The following SHISA8 variants were observed in gnomAD, a reference collection of about 807,000 sequenced individuals.
SHISA8 encodes the protein protein shisa-8.
In SHISA8, 21 loss-of-function variants were observed where a neutral mutation model predicts 21.1. That is an observed-to-expected ratio of 0.99 (90% CI 0.71 to 1.43). The LOEUF (loss-of-function observed/expected upper bound fraction) is 1.43, where lower values mean the gene tolerates loss of function less well. SHISA8 is among the 40% of genes most tolerant of loss of function. The pLI is 0.00. For synonymous variants in SHISA8, 300 were observed against 291.4 expected (o/e 1.03, Z -0.30); for missense variants, 535 against 599.1 (o/e 0.89, Z 1.12).
chr22:41,911,892 G>T (rs1043461436), intron 1 of SHISA8, among the ~76,000 whole-genome samples: 1 of 152,188 alleles, frequency 6.6e-6, no homozygotes, highest in Non-Finnish European at 1.5e-5. Flanking sequence ...ATTATAAGGT[G>T]CCTGCCACCA....
In SHISA8 at chr22:41,914,669, G is replaced by A; in HGVS notation, c.-2C>T. Reference sequence around the variant, plus strand: ...TCCCCGCGCCCCGGCCCGCGCCATCGGGCCCGCGCCTCCCGCTACTGCGCC... The same window carrying A: ...TCCCCGCGCCCCGGCCCGCGCCATCAGGCCCGCGCCTCCCGCTACTGCGCC... On this transcript the variant is annotated 5_prime_UTR_variant, in exon 1 of 4. Coordinates refer to ENST00000621082, the MANE Select transcript of SHISA8 (RefSeq NM_001207020.3). The surrounding 1 kb of genome is among the most constrained non-coding windows in gnomAD (Gnocchi z 6.8). 5 of 1,015,426 alleles carry A rather than the reference G, an allele frequency of 4.9e-6. No individual in the cohort carries two copies. The African/African-American group carries it at 5.2e-5, about 11-fold the overall frequency. 62.9% of individuals were successfully genotyped at this position (1,015,426 alleles called of 1,614,324 possible).
Position 41,914,379 on chromosome 22 carries a change from C to G in SHISA8, c.289G>C (p.Gly97Arg). Residue 97 changes from glycine (G) to arginine (R), a missense_variant, in exon 1 of 4, where the codon GGG becomes CGG. By Grantham distance (125) the Gly-to-Arg change is moderately radical. Coordinates refer to ENST00000621082, the MANE Select transcript of SHISA8 (RefSeq NM_001207020.3). This position sits in a 1 kb window ranked among gnomAD's most constrained non-coding sequence, Gnocchi z 6.8. ...CGGCTCTGGTCGAGGCGCCGCGGCCCGTCGTGGCAGCAGAAGCGGTAGCCG... is the reference window on the plus strand; with the variant it reads ...CGGCTCTGGTCGAGGCGCCGCGGCCGGTCGTGGCAGCAGAAGCGGTAGCCG... ...TCGYRFCCHDGPRRLDQSRCS... is the reference protein window; with the variant it reads ...TCGYRFCCHDRPRRLDQSRCS... The G allele has an allele frequency of 7.7e-7, 1 of 1,305,110 alleles. No homozygotes were observed. The highest frequency in any genetic ancestry group is 9.7e-7 in the Non-Finnish European group (1 of 1,025,726). The allele number at this position is 1,305,110 out of a possible 1,614,324, so 80.8% of individuals were successfully genotyped here. A position where few individuals can be genotyped will look rare whatever the true frequency, so the allele number is the denominator to read the frequency against.
At chr22:41,912,438 G>T (rs1385494579) in intron 1 of SHISA8, among the ~76,000 whole-genome samples, 1 of 152,162 alleles carries the variant, frequency 6.6e-6, no homozygotes. Flanking sequence ...CCTAGTACCT[G>T]CCTGGGCTGA....
Sources: allele counts gnomAD v4.1 joint callset (sites outside exome capture counted in the v4.1 genomes callset), GRCh38; gene constraint gnomAD v4.1.1; non-coding constraint Gnocchi (gnomAD v3.1); transcripts MANE v1.5; gene names NCBI Gene and HGNC (gene_info 2026-07-23, HGNC 2026-07-21).